THSD7B: variants seen among roughly 807,000 people sequenced by gnomAD.
THSD7B encodes the protein thrombospondin type-1 domain-containing protein 7B.
Under a neutral mutation model 213.6 loss-of-function variants are expected in THSD7B, and 138 were observed. That is an observed-to-expected ratio of 0.65 (90% CI 0.56 to 0.74). The LOEUF is 0.74. Among genes scored for constraint, THSD7B ranks in the 30% least tolerant of loss-of-function variants. The pLI is 0.00. For synonymous variants in THSD7B, 742 were observed against 687.0 expected, an observed-to-expected ratio of 1.08 and a Z score of -1.25; for missense variants, 1,931 against 1,991.5, an observed-to-expected ratio of 0.97 and a Z score of 0.58.
intron 3 of THSD7B, among the ~76,000 whole-genome samples, chr2:137,068,541 C>T (rs1030623): frequency 0.087 from 13,272 of 152,118 alleles, 714 homozygotes; most frequent in East Asian, 0.17. Flanking sequence ...TGTTGGCATA[C>T]TCTACCAGGA....
chr2:137,180,056 G>A (rs921782557), intron 7 of THSD7B, among the ~76,000 whole-genome samples: 18 of 152,078 alleles, frequency 1.2e-4, no homozygotes, highest in African/African-American at 2.7e-4. Flanking sequence ...AATGGGTAAC[G>A]TTAAATTTAT....
intron 15 of THSD7B, among the ~76,000 whole-genome samples, chr2:137,497,007 G>A (rs1679583756): frequency 6.6e-6 from 1 of 152,060 alleles, no homozygotes; most frequent in Non-Finnish European, 1.5e-5. Context: ...CTATTCTGCA[G>A]AGAATAGTCA....
intron 1 of THSD7B, among the ~76,000 whole-genome samples, chr2:136,866,769 C>A (rs1573677455): frequency 6.6e-6 from 1 of 152,112 alleles, no homozygotes; most frequent in African/African-American, 2.4e-5. Context: ...TTGGAATTGG[C>A]AACAGTCTGG....
chr2:136,863,284 C>A (rs1476328935), intron 1 of THSD7B, among the ~76,000 whole-genome samples: 2 of 152,224 alleles, frequency 1.3e-5, no homozygotes, highest in Admixed American at 1.3e-4. Context: ...ACCCAGCACT[C>A]CACCTGGTCT....
intron 15 of THSD7B, among the ~76,000 whole-genome samples, chr2:137,553,627 T>G (rs1385331746): frequency 3.3e-5 from 5 of 152,214 alleles, no homozygotes; most frequent in Non-Finnish European, 7.3e-5. Flanking sequence ...TCAGAGGATT[T>G]GGACTTTTCA....
chr2:136,960,812 G>A (rs13033135), intron 2 of THSD7B, among the ~76,000 whole-genome samples: 62,315 of 151,428 alleles, frequency 0.41, 15,094 homozygotes, highest in Non-Finnish European at 0.55. Flanking sequence ...AGACTGGGCC[G>A]GGCGCAGTGG....
chr2:137,075,363 T>A (rs906747317), intron 3 of THSD7B, among the ~76,000 whole-genome samples: 3 of 152,224 alleles, frequency 2.0e-5, no homozygotes, highest in African/African-American at 7.2e-5. Context: ...TACTCTTTCT[T>A]CCAGTTGATC....
At chr2:137,421,166 A>G (rs1037627877) in intron 14 of THSD7B, among the ~76,000 whole-genome samples, 3 of 152,114 alleles carry the variant, frequency 2.0e-5, no homozygotes, top group Admixed American at 1.3e-4. Flanking sequence ...CACAACACCA[A>G]TCATCAACAC....
At chr2:137,091,035 T>C (rs1687939371) in intron 3 of THSD7B, among the ~76,000 whole-genome samples, 1 of 152,178 alleles carries the variant, frequency 6.6e-6, no homozygotes, top group African/African-American at 2.4e-5. Flanking sequence ...ATTATTATTG[T>C]TTTAACCAAG....
intron 21 of THSD7B, among the ~76,000 whole-genome samples, chr2:137,646,519 G>C (rs1000804967): frequency 1.3e-5 from 2 of 148,456 alleles, no homozygotes; most frequent in East Asian, 3.9e-4. Context: ...GAGTGTGGTC[G>C]CACGTGCCTG....
chr2:137,473,893 A>G (rs562199502), intron 15 of THSD7B, among the ~76,000 whole-genome samples: 39 of 152,354 alleles, frequency 2.6e-4, no homozygotes, highest in African/African-American at 7.7e-4. Flanking sequence ...TCTTAAAAGT[A>G]GAAGGGTGAG....
At chr2:136,991,147 T>C (rs1345797579) in intron 2 of THSD7B, among the ~76,000 whole-genome samples, 8 of 152,178 alleles carry the variant, frequency 5.3e-5, no homozygotes, top group Non-Finnish European at 1.0e-4. Context: ...ATTTTAAAAC[T>C]CAAGAGATTT....
intron 15 of THSD7B, among the ~76,000 whole-genome samples, chr2:137,483,651 A>G (rs1238625256): frequency 6.6e-6 from 1 of 152,128 alleles, no homozygotes; most frequent in Non-Finnish European, 1.5e-5. Flanking sequence ...ATTTTAGTCA[A>G]TGAAGTTAGG....
At chr2:137,259,830 C>T (rs530625098) in intron 10 of THSD7B, among the ~76,000 whole-genome samples, 3 of 152,198 alleles carry the variant, frequency 2.0e-5, no homozygotes, top group South Asian at 2.1e-4. Context: ...GAATGGTATC[C>T]TCTCCTTAGA....
chr2:137,583,769 A>G (rs113019383), intron 17 of THSD7B, among the ~76,000 whole-genome samples: 33,814 of 152,006 alleles, frequency 0.22, 3,931 homozygotes, highest in Middle Eastern at 0.32. Flanking sequence ...AAGTCAGGTA[A>G]CGTGATGCCT....
chr2:137,130,595 T>C (rs1338054368), intron 5 of THSD7B, among the ~76,000 whole-genome samples: 1 of 147,834 alleles, frequency 6.8e-6, no homozygotes, highest in Non-Finnish European at 1.5e-5. Context: ...GTTCTCATTG[T>C]TCAATTCCCA....
chr2:137,023,357 T>C (rs1457136505), intron 2 of THSD7B, among the ~76,000 whole-genome samples: 1 of 152,088 alleles, frequency 6.6e-6, no homozygotes, highest in Non-Finnish European at 1.5e-5. Context: ...TCTGGTAGCT[T>C]CCAGGGTTTC....
intron 12 of THSD7B, 52 bp from the exon 13 acceptor site, chr2:137,405,561 A>AG (rs1299038838): frequency 1.1e-5 from 17 of 1,508,372 alleles, no homozygotes; most frequent in Non-Finnish European, 1.1e-5. Context: ...AAGAACCAGC[A>AG]GCTGACTGAT....
chr2:137,206,614 C>G (rs1368901888), intron 7 of THSD7B, among the ~76,000 whole-genome samples: 2 of 151,974 alleles, frequency 1.3e-5, no homozygotes. Flanking sequence ...CCACCACTCC[C>G]TATATAAGAA....
Sources: gnomAD v4.1 joint callset for allele counts (sites outside exome capture counted in the v4.1 genomes callset) on GRCh38, gnomAD v4.1.1 for gene constraint, MANE v1.5 for transcripts, NCBI Gene and HGNC (gene_info 2026-07-23, HGNC 2026-07-21) for gene names.